POLR3B: variants seen among roughly 807,000 people sequenced by gnomAD.
The protein encoded by POLR3B is DNA-directed RNA polymerase III subunit RPC2.
POLR3B carries 96 observed loss-of-function variants against 147.4 expected under a neutral mutation model. That is an observed-to-expected ratio of 0.65 (90% CI 0.55 to 0.77). POLR3B has a LOEUF of 0.77. POLR3B is among the 30% of genes least tolerant of loss of function. The pLI, the probability that POLR3B is intolerant of heterozygous loss-of-function variation, is 0.00. For synonymous variants in POLR3B, 461 were observed against 485.9 expected, an observed-to-expected ratio of 0.95 and a Z score of 0.67; for missense variants, 1,036 against 1,413.5, an observed-to-expected ratio of 0.73 and a Z score of 4.28.
At chr12:106,387,495 A>G (rs11112964) in intron 9 of POLR3B, among the ~76,000 whole-genome samples, 14,392 of 152,214 alleles carry the variant, frequency 0.095, 748 homozygotes, top group East Asian at 0.14. Flanking sequence ...CATGTTGCCA[A>G]TTATTTTCCT....
Position 106,393,264 on chromosome 12 carries a change from G to T in POLR3B, c.846+111G>T, listed in dbSNP as rs574931698. ...CTTTGGGCTCATAGATTTGGGAAAG[G>T]TATTGGGGAGATATGGGAGGAGTGA... On this transcript the variant is annotated intron_variant, in intron 10 of 27. Transcript: ENST00000228347. 3.4e-6 allele frequency: 5 copies of T among 1,457,542 alleles called. No individual in the cohort carries two copies. The African/African-American group carries it at 5.5e-5, about 16-fold the overall frequency. The allele number at this position is 1,457,542 out of a possible 1,614,324, so 90.3% of individuals were successfully genotyped here.
rs200865021 is a variant in POLR3B at position 106,496,833 on chromosome 12, A to C, written c.2899A>C (p.Ser967Arg). ...RFHYGTAFGG[S>R]KVKDVCEDLV... is the part of the protein sequence containing the mutation. ...CCACTACGGCACTGCGTTTGGAGGC[A>C]GTAAAGTGAAGGATGTGTGTGAGGA... The change falls in exon 25 of 28, where the codon AGT (serine) becomes CGT (arginine). Residue 967 changes from serine to arginine, a missense_variant. Coordinates refer to ENST00000228347, the MANE Select transcript of POLR3B (RefSeq NM_018082.6). The C allele has an allele frequency of 9.3e-6, 15 of 1,614,140 alleles. No homozygotes were observed. Among genetic ancestry groups the C allele is most frequent in the Non-Finnish European group, 1.2e-5 (14 of 1,179,996 alleles).
chr12:106,406,751 G>A (rs2136932985), intron 11 of POLR3B, among the ~76,000 whole-genome samples: 1 of 152,224 alleles, frequency 6.6e-6, no homozygotes, highest in South Asian at 2.1e-4. Context: ...CAACCATATT[G>A]GCATGTGGGG....
rs183923284 is a variant in POLR3B at position 106,500,343 on chromosome 12, T to C, written c.2985-980T>C. Among the ~76,000 whole-genome samples the C allele has an allele frequency of 2.6e-5, 4 of 152,360 alleles. No homozygotes were observed. The East Asian group carries it at 7.7e-4, about 29-fold the overall frequency. On this transcript the variant is annotated intron_variant, in intron 25 of 27. Transcript: ENST00000228347. ...TTACTACAGACTTTCTAAAGATTCA[T>C]TGAAGCAGTTATGTAATAGACATTT...
intron 12 of POLR3B, among the ~76,000 whole-genome samples, chr12:106,425,514 G>A (rs1465753201): frequency 5.3e-5 from 8 of 152,138 alleles, no homozygotes; most frequent in Non-Finnish European, 7.4e-5. Flanking sequence ...TGCCAGGCAG[G>A]AGGGTGTCCT....
intron 12 of POLR3B, among the ~76,000 whole-genome samples, chr12:106,426,873 A>G (rs918882669): frequency 1.0e-5 from 1 of 96,742 alleles, no homozygotes; most frequent in Non-Finnish European, 1.9e-5. Flanking sequence ...TTTGGTTTTA[A>G]TATATAACTT....
At chr12:106,425,867 G>T (rs2037427505) in intron 12 of POLR3B, among the ~76,000 whole-genome samples, 1 of 152,128 alleles carries the variant, frequency 6.6e-6, no homozygotes, top group African/African-American at 2.4e-5. Context: ...TAATGTAGTT[G>T]TGCTGGGTTT....
intron 23 of POLR3B, among the ~76,000 whole-genome samples, chr12:106,494,718 A>C (rs747432806): frequency 6.6e-6 from 1 of 152,224 alleles, no homozygotes; most frequent in Non-Finnish European, 1.5e-5. Flanking sequence ...GCTGAATTTG[A>C]AATAAAGTGA....
chr12:106,396,357 A>G (rs1212205590), intron 10 of POLR3B, among the ~76,000 whole-genome samples: 2 of 152,184 alleles, frequency 1.3e-5, no homozygotes, highest in Non-Finnish European at 2.9e-5. Context: ...CACTGCAGCA[A>G]GTGTTTTCAG....
At chr12:106,495,289 A>C (rs1401539471) in intron 23 of POLR3B, among the ~76,000 whole-genome samples, 1 of 152,198 alleles carries the variant, frequency 6.6e-6, no homozygotes, top group Non-Finnish European at 1.5e-5. Flanking sequence ...TAGTGTATAG[A>C]GTTGGTAGAT....
At chr12:106,371,422 A>G (rs896103712) in intron 6 of POLR3B, among the ~76,000 whole-genome samples, 102 of 152,242 alleles carry the variant, frequency 6.7e-4, no homozygotes, top group Middle Eastern at 3.4e-3. Context: ...CATTTGACCC[A>G]GCCATCCCAT....
At chr12:106,370,724 C>T (rs747436935) in intron 6 of POLR3B, among the ~76,000 whole-genome samples, 6 of 151,318 alleles carry the variant, frequency 4.0e-5, no homozygotes, top group Admixed American at 6.6e-5. Flanking sequence ...CTCTGCCTCC[C>T]GGGTTCAAGT....
chr12:106,430,723 A>G (rs1276495020), intron 14 of POLR3B, among the ~76,000 whole-genome samples: 2 of 152,158 alleles, frequency 1.3e-5, no homozygotes, highest in African/African-American at 2.4e-5. Context: ...TCTCTTTATT[A>G]TTTTAGTTTA....
At chr12:106,448,860 A>G (rs1158996016) in intron 19 of POLR3B, among the ~76,000 whole-genome samples, 1 of 152,140 alleles carries the variant, frequency 6.6e-6, no homozygotes, top group Non-Finnish European at 1.5e-5. Context: ...TATGTCTTCT[A>G]TGTAATGTTA....
At chr12:106,486,948 A>G (rs4625578) in intron 23 of POLR3B, among the ~76,000 whole-genome samples, 37,894 of 152,082 alleles carry the variant, frequency 0.25, 5,260 homozygotes, top group African/African-American at 0.37. Context: ...AAGCCACAAA[A>G]AGAGGGCACT....
In POLR3B at chr12:106,409,117, T is replaced by C. The variant is rs1315026852; in HGVS notation, c.967-1709T>C. Among the ~76,000 whole-genome samples the C allele has an allele frequency of 7.9e-5, 12 of 152,324 alleles. No individual in the cohort carries two copies. The East Asian group carries it at 2.3e-3, about 29-fold the overall frequency. ...ATTGAAAATTTTGTTAGTGAAAGTT[T>C]GCTTTATTTTTCTCATTAACAAGAA... On this transcript the variant is annotated intron_variant, in intron 11 of 27. Transcript: ENST00000228347.
At chr12:106,481,040 A>G (rs746856376) in intron 23 of POLR3B, among the ~76,000 whole-genome samples, 1 of 152,210 alleles carries the variant, frequency 6.6e-6, no homozygotes. Context: ...GCTGAAGAGC[A>G]TTTGAGGTGA....
intron 11 of POLR3B, among the ~76,000 whole-genome samples, chr12:106,409,368 T>TC (rs1259894464): frequency 6.8e-6 from 1 of 146,848 alleles, no homozygotes; most frequent in Non-Finnish European, 1.5e-5. Context: ...TTTTTTTTTT[T>TC]TTTCTTGAGG....
In POLR3B at chr12:106,500,485, G is replaced by A. The variant is rs145588049; in HGVS notation, c.2985-838G>A. On this transcript the variant is annotated intron_variant, in intron 25 of 27. Coordinates refer to ENST00000228347, the MANE Select transcript of POLR3B (RefSeq NM_018082.6). ...TAGTGGGGAAGACAGGCAATAATCC[G>A]AGAGATAATAAATGTACACCACGGT... Among the ~76,000 whole-genome samples, 56 of 152,228 alleles carry A rather than the reference G, an allele frequency of 3.7e-4. No homozygotes were observed. In the East Asian group the frequency reaches 7.5e-3, roughly 20 times the overall value.
Sources: gnomAD v4.1 joint callset for allele counts (sites outside exome capture counted in the v4.1 genomes callset) on GRCh38, gnomAD v4.1.1 for gene constraint, MANE v1.5 for transcripts, NCBI Gene and HGNC (gene_info 2026-07-23, HGNC 2026-07-21) for gene names.